MDGA2: variants seen among roughly 807,000 people sequenced by gnomAD.
MDGA2 encodes the protein MAM domain-containing glycosylphosphatidylinositol anchor protein 2.
Under a neutral mutation model 117.8 loss-of-function variants are expected in MDGA2, and 40 were observed. The ratio of observed to expected loss-of-function variants is 0.34; its 90% CI spans 0.26 to 0.44. MDGA2 has a LOEUF of 0.44. Among genes scored for constraint, MDGA2 ranks in the 20% least tolerant of loss-of-function variants. The pLI is 1.00. For missense variants in MDGA2, 1,123 were observed against 1,250.6 expected, an observed-to-expected ratio of 0.90 and a Z score of 1.54; for synonymous variants, 452 against 439.0, an observed-to-expected ratio of 1.03 and a Z score of -0.37.
chr14:47,529,084 C>T (rs1376803079), intron 1 of MDGA2, among the ~76,000 whole-genome samples: 1 of 151,890 alleles, frequency 6.6e-6, no homozygotes, highest in Non-Finnish European at 1.5e-5. Flanking sequence ...CTACAAGCTC[C>T]GCCCCCCGGG....
chr14:47,364,454 C>T (rs1231477499), intron 1 of MDGA2, among the ~76,000 whole-genome samples: 1 of 151,988 alleles, frequency 6.6e-6, no homozygotes, highest in Non-Finnish European at 1.5e-5. Context: ...TTAGTAGAGA[C>T]GGGGTTTCAC....
Position 46,874,056 on chromosome 14 carries a change from C to T in MDGA2, c.2582G>A (p.Gly861Asp). Residue 861 changes from glycine (G) to aspartate (D), a missense_variant, in exon 13 of 17, where the codon GGC becomes GAC. By Grantham distance (94) the Gly-to-Asp change is moderately conservative (BLOSUM62 -1). Coordinates refer to ENST00000399232, the MANE Select transcript of MDGA2 (RefSeq NM_001113498.3). ...PNTGPNADRSGSKEGFYMYIE... is the reference protein window; with the variant it reads ...PNTGPNADRSDSKEGFYMYIE... ...TCATACCCCCATACCTTCTTTGGAG[C>T]CACTACGGTCAGCATTAGGTCCTGT... 6.5e-7 allele frequency: 1 copy of T among 1,544,476 alleles called. No homozygotes were observed. The highest frequency in any genetic ancestry group is 1.3e-5 in the South Asian group (1 of 77,018).
chr14:47,621,140 C>T (rs1290451984), intron 1 of MDGA2, among the ~76,000 whole-genome samples: 1 of 152,116 alleles, frequency 6.6e-6, no homozygotes, highest in African/African-American at 2.4e-5. Flanking sequence ...CATTAACTCC[C>T]ACCACTCATA....
chr14:47,093,445 G>A (rs1879786937), intron 6 of MDGA2, among the ~76,000 whole-genome samples: 1 of 152,050 alleles, frequency 6.6e-6, no homozygotes, highest in South Asian at 2.1e-4. Flanking sequence ...CCTTTACATG[G>A]AAGTGACATA....
intron 1 of MDGA2, among the ~76,000 whole-genome samples, chr14:47,305,697 G>A (rs1417420808): frequency 2.0e-5 from 3 of 152,104 alleles, no homozygotes; most frequent in African/African-American, 7.2e-5. Context: ...TCTGTGCTGG[G>A]GATATGATGA....
intron 7 of MDGA2, chr14:47,058,994 T>A: frequency 3.0e-6 from 3 of 990,720 alleles, no homozygotes; most frequent in Non-Finnish European, 3.6e-6. Context: ...GAGCTGCTCC[T>A]GTCTTTGGGA....
At position 47,599,895 on chromosome 14, in the gene MDGA2, A is replaced by G. The variant is rs577875850; in HGVS notation, c.280+74622T>C. Among the ~76,000 whole-genome samples the G allele has an allele frequency of 5.1e-4, 78 of 152,250 alleles. 3 individuals carry two copies. The highest frequency in any genetic ancestry group is 1.8e-3 in the African/African-American group (75 of 41,556). ...AATGTATAAAATATATACAAATTAAAGATTTAATATATTTATATAGACAAC... is the reference window on the plus strand; with the variant it reads ...AATGTATAAAATATATACAAATTAAGGATTTAATATATTTATATAGACAAC... On this transcript the variant is annotated intron_variant, in intron 1 of 16. Transcript: ENST00000399232.
At chr14:47,627,775 A>G (rs1288812888) in intron 1 of MDGA2, among the ~76,000 whole-genome samples, 2 of 152,194 alleles carry the variant, frequency 1.3e-5, no homozygotes, top group Non-Finnish European at 2.9e-5. Context: ...TGTTCTTTGC[A>G]ATAAATCTTG....
intron 3 of MDGA2, among the ~76,000 whole-genome samples, chr14:47,178,270 C>T (rs2139358543): frequency 6.6e-6 from 1 of 152,244 alleles, no homozygotes; most frequent in East Asian, 1.9e-4. Flanking sequence ...TCATTAAACT[C>T]CCAGGACTTT....
At chr14:46,942,295 T>C (rs764505115) in intron 9 of MDGA2, among the ~76,000 whole-genome samples, 2 of 152,218 alleles carry the variant, frequency 1.3e-5, no homozygotes, top group Non-Finnish European at 2.9e-5. Context: ...AAAAATTACA[T>C]ACATTATAAC....
At chr14:46,933,420 C>A (rs1469435090) in intron 9 of MDGA2, among the ~76,000 whole-genome samples, 1 of 151,640 alleles carries the variant, frequency 6.6e-6, no homozygotes, top group Non-Finnish European at 1.5e-5. Flanking sequence ...ATCTGAAGAT[C>A]CAAAAGGATC....
chr14:46,865,376 T>C (rs1458064647), intron 14 of MDGA2, among the ~76,000 whole-genome samples: 2 of 152,072 alleles, frequency 1.3e-5, no homozygotes, highest in Admixed American at 6.6e-5. Context: ...AATTAGGTAT[T>C]GATGGGACGT....
chr14:47,418,378 G>A (rs956382105), intron 1 of MDGA2, among the ~76,000 whole-genome samples: 23 of 152,012 alleles, frequency 1.5e-4, no homozygotes, highest in South Asian at 6.2e-4. Flanking sequence ...GAGCCACCAC[G>A]CCCAGCCCAA....
At chr14:47,557,047 C>T (rs1052355617) in intron 1 of MDGA2, among the ~76,000 whole-genome samples, 1 of 152,178 alleles carries the variant, frequency 6.6e-6, no homozygotes, top group African/African-American at 2.4e-5. Context: ...AATGGCATAG[C>T]TTCTTTGGGA....
At chr14:47,142,167 G>C (rs987396355) in intron 4 of MDGA2, among the ~76,000 whole-genome samples, 1 of 152,148 alleles carries the variant, frequency 6.6e-6, no homozygotes, top group Non-Finnish European at 1.5e-5. Context: ...CATATAGCCG[G>C]GCACGGTGGC....
At chr14:47,174,647 C>T (rs1033857985) in intron 3 of MDGA2, among the ~76,000 whole-genome samples, 1 of 152,170 alleles carries the variant, frequency 6.6e-6, no homozygotes, top group East Asian at 1.9e-4. Flanking sequence ...ACATTCAAAG[C>T]AGTGAGTAGA....
At chr14:47,094,747 T>C (rs1276694495) in intron 6 of MDGA2, among the ~76,000 whole-genome samples, 1 of 151,884 alleles carries the variant, frequency 6.6e-6, no homozygotes, top group African/African-American at 2.4e-5. Context: ...TACAGCAAGA[T>C]TTGGTAGATT....
chr14:47,516,899 G>T (rs981227128), intron 1 of MDGA2, among the ~76,000 whole-genome samples: 6 of 152,030 alleles, frequency 3.9e-5, no homozygotes, highest in African/African-American at 1.5e-4. Flanking sequence ...GGGTAAGCTA[G>T]AAAATGATTA....
intron 1 of MDGA2, among the ~76,000 whole-genome samples, chr14:47,369,861 G>T (rs1388121744): frequency 6.6e-6 from 1 of 151,612 alleles, no homozygotes; most frequent in Non-Finnish European, 1.5e-5. Flanking sequence ...CATATAACTA[G>T]GCACTTAGTT....
Sources: allele counts gnomAD v4.1 joint callset (sites outside exome capture counted in the v4.1 genomes callset), GRCh38; gene constraint gnomAD v4.1.1; transcripts MANE v1.5; gene names NCBI Gene and HGNC (gene_info 2026-07-23, HGNC 2026-07-21).